The following KCNQ5 variants were observed in gnomAD, a reference collection of about 807,000 sequenced individuals.
KCNQ5 encodes potassium voltage-gated channel subfamily KQT member 5.
Under a neutral mutation model 98.2 loss-of-function variants are expected in KCNQ5, and 30 were observed. That is an observed-to-expected ratio of 0.31 (90% confidence interval 0.23 to 0.41). The LOEUF (loss-of-function observed/expected upper bound fraction) is 0.41, where lower values mean the gene tolerates loss of function less well. Ranked by LOEUF, KCNQ5 falls within the 10% of genes least tolerant of loss-of-function variation. The pLI is 1.00. For synonymous variants in KCNQ5, 458 were observed against 449.4 expected (o/e 1.02, Z -0.24); for missense variants, 835 against 1,182.5 (o/e 0.71, Z 4.31).
chr6:73,170,576 A>AGAAAAG (rs1554218359), intron 11 of KCNQ5, among the ~76,000 whole-genome samples: 1 of 150,942 alleles, frequency 6.6e-6, no homozygotes, highest in African/African-American at 2.4e-5. Context: ...CAAAAAAAAA[A>AGAAAAG]AAAAGAAAAG....
chr6:72,837,931 A>AT lies in KCNQ5; in HGVS notation c.399-165967dup, dbSNP rs953286479. Reference sequence around the variant, plus strand: ...TAGTATATGTTATGGACACCAAGTTATTTTTTTTTTGGATTCTTCATCCTT... The same window carrying AT: ...TAGTATATGTTATGGACACCAAGTTATTTTTTTTTTTGGATTCTTCATCCTT... On this transcript the variant is annotated intron_variant, in intron 1 of 13. Transcript: ENST00000370398. Among the ~76,000 whole-genome samples the AT allele has an allele frequency of 3.4e-3, 512 of 148,914 alleles. 1 individual carries two copies. Among genetic ancestry groups the AT allele is most frequent in the African/African-American group, 0.011 (439 of 40,730 alleles).
chr6:72,955,119 G>A (rs576313984), intron 1 of KCNQ5, among the ~76,000 whole-genome samples: 32 of 152,304 alleles, frequency 2.1e-4, no homozygotes, highest in Middle Eastern at 3.4e-3. Context: ...AGATCTAAAC[G>A]TTAGTTTAGG....
intron 10 of KCNQ5, among the ~76,000 whole-genome samples, chr6:73,149,213 T>G (rs957527750): frequency 1.1e-4 from 17 of 152,064 alleles, no homozygotes; most frequent in Admixed American, 6.5e-5. Flanking sequence ...TGTTGTAAAA[T>G]GGGATAGGAT....
chr6:73,040,331 G>A (rs1366033164), intron 2 of KCNQ5, among the ~76,000 whole-genome samples: 1 of 152,164 alleles, frequency 6.6e-6, no homozygotes, highest in African/African-American at 2.4e-5. Flanking sequence ...GCATAAGCAG[G>A]AATTAGGGGC....
At chr6:72,708,602 A>C (rs554320527) in intron 1 of KCNQ5, among the ~76,000 whole-genome samples, 1 of 151,762 alleles carries the variant, frequency 6.6e-6, no homozygotes, top group Non-Finnish European at 1.5e-5. Flanking sequence ...GCTCACTACA[A>C]CCTCTGCCTC....
At chr6:72,760,680 T>C (rs1302568582) in intron 1 of KCNQ5, among the ~76,000 whole-genome samples, 1 of 152,126 alleles carries the variant, frequency 6.6e-6, no homozygotes, top group Non-Finnish European at 1.5e-5. Flanking sequence ...GCGGGTATTA[T>C]TTTTTCACTG....
chr6:72,759,458 A>G (rs998214111), intron 1 of KCNQ5, among the ~76,000 whole-genome samples: 48 of 152,148 alleles, frequency 3.2e-4, no homozygotes, highest in African/African-American at 1.1e-3. Flanking sequence ...GCCTCTTCCC[A>G]TTTTTATTTA....
intron 1 of KCNQ5, among the ~76,000 whole-genome samples, chr6:72,916,665 A>G (rs1346531521): frequency 6.6e-6 from 1 of 152,238 alleles, no homozygotes; most frequent in Non-Finnish European, 1.5e-5. Context: ...CCACGGGGGT[A>G]GAATTGAATT....
intron 1 of KCNQ5, among the ~76,000 whole-genome samples, chr6:72,637,603 C>T (rs1270877275): frequency 6.6e-6 from 1 of 152,124 alleles, no homozygotes; most frequent in Non-Finnish European, 1.5e-5. Context: ...CTTTTAAAGA[C>T]TACATACTTC....
intron 1 of KCNQ5, among the ~76,000 whole-genome samples, chr6:72,812,719 T>C (rs1176629455): frequency 2.0e-5 from 3 of 152,172 alleles, no homozygotes; most frequent in Admixed American, 6.5e-5. Context: ...CTAGCTCCAC[T>C]TAGAAGCCAT....
intron 1 of KCNQ5, among the ~76,000 whole-genome samples, chr6:72,795,123 A>G (rs1774259919): frequency 6.6e-6 from 1 of 152,192 alleles, no homozygotes; most frequent in Non-Finnish European, 1.5e-5. Context: ...AATTATTCTA[A>G]TCCGAGCAAA....
intron 7 of KCNQ5, among the ~76,000 whole-genome samples, chr6:73,112,963 AT>A (rs59707829): frequency 1.4e-4 from 21 of 149,512 alleles, no homozygotes; most frequent in African/African-American, 3.9e-4. Context: ...ATTTTTTACA[AT>A]TTTTTTTTTT....
chr6:72,866,201 T>C (rs2995345), intron 1 of KCNQ5, among the ~76,000 whole-genome samples: 119,953 of 150,620 alleles, frequency 0.8, 48,064 homozygotes, highest in African/African-American at 0.87. Context: ...CTTTATTATG[T>C]CCCCTCAGAA....
chr6:72,651,030 CTG>C (rs996241922), intron 1 of KCNQ5, among the ~76,000 whole-genome samples: 14 of 152,130 alleles, frequency 9.2e-5, no homozygotes, highest in African/African-American at 3.4e-4. Context: ...ATTTTGTAAA[CTG>C]TTTTGTAAAT....
chr6:72,845,868 T>C (rs557287052), intron 1 of KCNQ5, among the ~76,000 whole-genome samples: 24 of 152,314 alleles, frequency 1.6e-4, no homozygotes, highest in African/African-American at 5.5e-4. Context: ...AAAACTTTTT[T>C]GACAGCTGCA....
At chr6:73,042,248 T>C in intron 3 of KCNQ5, 186 bp downstream of exon 3, 1 of 634,420 alleles carries the variant, frequency 1.6e-6, no homozygotes, top group Non-Finnish European at 2.8e-6. Flanking sequence ...ATGAGGTAGA[T>C]ATTTTTATTA....
intron 1 of KCNQ5, among the ~76,000 whole-genome samples, chr6:72,908,197 A>G (rs1169248352): frequency 6.6e-6 from 1 of 152,086 alleles, no homozygotes; most frequent in Non-Finnish European, 1.5e-5. Context: ...AGTGGTTACC[A>G]TAGGTGGAGA....
At chr6:72,855,446 A>G (rs527756310) in intron 1 of KCNQ5, among the ~76,000 whole-genome samples, 54 of 152,350 alleles carry the variant, frequency 3.5e-4, no homozygotes, top group African/African-American at 1.3e-3. Context: ...GTATGCATAC[A>G]TACATGCACA....
intron 11 of KCNQ5, among the ~76,000 whole-genome samples, chr6:73,170,259 G>T (rs931267766): frequency 1.3e-5 from 2 of 152,146 alleles, no homozygotes; most frequent in African/African-American, 2.4e-5. Context: ...AATGGGTTGA[G>T]TTCTGAAAAT....
Sources: allele counts gnomAD v4.1 joint callset (sites outside exome capture counted in the v4.1 genomes callset), GRCh38; gene constraint gnomAD v4.1.1; transcripts MANE v1.5; gene names NCBI Gene and HGNC (gene_info 2026-07-23, HGNC 2026-07-21).